GRM1: variants seen among roughly 807,000 people sequenced by gnomAD.
GRM1 encodes glutamate metabotropic receptor 1.
Under a neutral mutation model 90.9 loss-of-function variants are expected in GRM1, and 33 were observed. That is an observed-to-expected ratio of 0.36 (90% CI 0.28 to 0.49). The LOEUF (loss-of-function observed/expected upper bound fraction) is 0.49. Ranked by LOEUF, GRM1 falls within the 20% of genes least tolerant of loss-of-function variation. The pLI, the probability that GRM1 is intolerant of heterozygous loss-of-function variation, is 0.99. For missense variants in GRM1, 1,190 were observed against 1,534.3 expected, an observed-to-expected ratio of 0.78 and a Z score of 3.75; for synonymous variants, 700 against 613.2, an observed-to-expected ratio of 1.14 and a Z score of -2.09.
chr6:146,304,917 A>T, intron 3 of GRM1, 71 bp downstream of exon 3: 1 of 1,078,648 alleles, frequency 9.3e-7, no homozygotes, highest in South Asian at 1.3e-5. Context: ...AACTTGTTGA[A>T]TGAGAATAGA....
chr6:146,368,007 T>A (rs1378435974), intron 5 of GRM1, among the ~76,000 whole-genome samples: 1 of 152,150 alleles, frequency 6.6e-6, no homozygotes, highest in Non-Finnish European at 1.5e-5. Context: ...ACATGGAATA[T>A]CTTTTTATTG....
intron 1 of GRM1, among the ~76,000 whole-genome samples, chr6:146,124,962 T>A (rs1304794006): frequency 6.6e-6 from 1 of 152,192 alleles, no homozygotes; most frequent in Non-Finnish European, 1.5e-5. Flanking sequence ...GTGATGTGAC[T>A]AAAAACTGTG....
intron 1 of GRM1, among the ~76,000 whole-genome samples, chr6:146,046,331 A>G (rs1791329915): frequency 6.6e-6 from 1 of 152,032 alleles, no homozygotes; most frequent in African/African-American, 2.4e-5. Flanking sequence ...AAAATGATAG[A>G]TTATATGCTA....
At chr6:146,430,960 A>G (rs77825146) in intron 7 of GRM1, among the ~76,000 whole-genome samples, 2,453 of 152,328 alleles carry the variant, frequency 0.016, 84 homozygotes, top group African/African-American at 0.056. Context: ...CAGTTTAAAA[A>G]CAATGCTTAA....
At chr6:146,351,045 C>T (rs555335939) in intron 3 of GRM1, among the ~76,000 whole-genome samples, 78 of 152,232 alleles carry the variant, frequency 5.1e-4, no homozygotes, top group Non-Finnish European at 7.4e-4. Context: ...ATCCCAAGTT[C>T]GATATCAAAG....
chr6:146,343,036 T>G (rs766437562), intron 3 of GRM1, among the ~76,000 whole-genome samples: 55 of 152,294 alleles, frequency 3.6e-4, no homozygotes, highest in Middle Eastern at 3.4e-3. Context: ...ATTTTCCTTG[T>G]TTCCTTAGGC....
In GRM1 at chr6:146,386,992, T is replaced by A. The variant is rs781213492; in HGVS notation, c.1705T>A (p.Trp569Arg). Residue 569 changes from tryptophan (W) to arginine (R), a missense_variant, in exon 6 of 8, where the codon TGG becomes AGG. Transcript: ENST00000282753. ...CACCTGCAAAGCTTGTGACTTGGGA[T>A]GGTGGCCCAATGCAGATCTAACAGG... ...EFTCKACDLG[W>R]WPNADLTGCE... The A allele has an allele frequency of 1.2e-6, 2 of 1,613,190 alleles. No individual in the cohort carries two copies. Among genetic ancestry groups the A allele is most frequent in the Non-Finnish European group, 1.7e-6 (2 of 1,179,270 alleles).
chr6:146,409,804 T>C (rs1263456453), intron 7 of GRM1, among the ~76,000 whole-genome samples: 2 of 152,194 alleles, frequency 1.3e-5, no homozygotes, highest in African/African-American at 2.4e-5. Flanking sequence ...GGCAACTTAA[T>C]ACTAGCCTCT....
intron 3 of GRM1, among the ~76,000 whole-genome samples, chr6:146,317,630 C>T (rs892627524): frequency 4.6e-5 from 7 of 152,166 alleles, no homozygotes; most frequent in Non-Finnish European, 8.8e-5. Context: ...AATTATTTCT[C>T]ATTCATGCAA....
intron 1 of GRM1, among the ~76,000 whole-genome samples, chr6:146,121,468 CCTTCCG>C (rs1197270263): frequency 3.3e-5 from 5 of 151,906 alleles, no homozygotes; most frequent in African/African-American, 1.2e-4. Flanking sequence ...TTATTTTTTC[CCTTCCG>C]CTAGGTTTTG....
chr6:146,038,197 T>TGGTTAA (rs1392036271), intron 1 of GRM1, among the ~76,000 whole-genome samples: 2 of 151,946 alleles, frequency 1.3e-5, no homozygotes, highest in African/African-American at 4.8e-5. Flanking sequence ...ATGAGGGTTG[T>TGGTTAA]GGTTAACAGT....
chr6:146,188,312 A>C (rs536108086), intron 2 of GRM1, among the ~76,000 whole-genome samples: 4 of 152,264 alleles, frequency 2.6e-5, no homozygotes, highest in African/African-American at 7.2e-5. Flanking sequence ...CAAGACAAAA[A>C]CAATTTTAAT....
At position 146,031,579 on chromosome 6, in the gene GRM1, AC is replaced by A. The variant is rs551137249; in HGVS notation, c.700+1363del. ...ATTTCAGATTTTGCTTTTGGAAAAA[AC>A]TATCTGCTGTGATATTATAACTTTA... On this transcript the variant is annotated intron_variant, in intron 1 of 7. Transcript: ENST00000282753. 4.8e-3 allele frequency among the ~76,000 whole-genome samples: 726 copies of A among 152,260 alleles called. 1 individual carries two copies. Among genetic ancestry groups the A allele is most frequent in the Non-Finnish European group, 7.7e-3 (522 of 67,986 alleles).
intron 1 of GRM1, among the ~76,000 whole-genome samples, chr6:146,056,974 G>A (rs181492767): frequency 1.2e-4 from 18 of 152,244 alleles, no homozygotes; most frequent in Admixed American, 1.3e-4. Context: ...TGAAAACACA[G>A]TGTCCTTGTC....
intron 2 of GRM1, among the ~76,000 whole-genome samples, chr6:146,236,068 G>A (rs190851607): frequency 1.8e-3 from 273 of 152,082 alleles, no homozygotes; most frequent in Admixed American, 4.9e-3. Context: ...ATTAATATGA[G>A]TTATGTCATT....
intron 2 of GRM1, among the ~76,000 whole-genome samples, chr6:146,210,359 T>C (rs1001739199): frequency 6.6e-6 from 1 of 152,168 alleles, no homozygotes; most frequent in Non-Finnish European, 1.5e-5. Flanking sequence ...AGAAAATAAG[T>C]GATAAGTGCT....
intron 1 of GRM1, among the ~76,000 whole-genome samples, chr6:146,060,512 G>T (rs1775627181): frequency 6.6e-6 from 1 of 152,122 alleles, no homozygotes; most frequent in African/African-American, 2.4e-5. Context: ...TTGGTTTTCT[G>T]TTCCTACATT....
At chr6:146,146,749 G>A (rs1338596620) in intron 1 of GRM1, among the ~76,000 whole-genome samples, 1 of 152,042 alleles carries the variant, frequency 6.6e-6, no homozygotes, top group Non-Finnish European at 1.5e-5. Flanking sequence ...GCCAACTCTG[G>A]GACACTGAAG....
At chr6:146,182,385 G>A (rs1778579830) in intron 2 of GRM1, among the ~76,000 whole-genome samples, 1 of 151,988 alleles carries the variant, frequency 6.6e-6, no homozygotes, top group Non-Finnish European at 1.5e-5. Context: ...AATTTGTCTT[G>A]ATTGCAAGAA....
Sources: gnomAD v4.1 joint callset for allele counts (sites outside exome capture counted in the v4.1 genomes callset) on GRCh38, gnomAD v4.1.1 for gene constraint, MANE v1.5 for transcripts, NCBI Gene and HGNC (gene_info 2026-07-23, HGNC 2026-07-21) for gene names.